Variants in NRG3 observed in about 807,000 individuals in gnomAD.
The protein encoded by NRG3 is pro-neuregulin-3, membrane-bound isoform.
NRG3 carries 31 observed loss-of-function variants against 66.9 expected under a neutral mutation model. The observed-to-expected ratio is 0.46, with a 90% CI of 0.35 to 0.63. NRG3 has a LOEUF of 0.63. NRG3 is among the 20% of genes least tolerant of loss of function. NRG3 has a pLI of 0.00. For synonymous variants in NRG3, 393 were observed against 359.4 expected (o/e 1.09, Z -1.06); for missense variants, 910 against 878.9 (o/e 1.04, Z -0.45).
chr10:82,756,747 G>A (rs987181621), intron 3 of NRG3, among the ~76,000 whole-genome samples: 16 of 151,736 alleles, frequency 1.1e-4, no homozygotes, highest in African/African-American at 3.9e-4. Context: ...ACTGGACCTT[G>A]TTGGAGAGAA....
At chr10:82,222,992 A>G (rs2076012248) in intron 1 of NRG3, among the ~76,000 whole-genome samples, 4 of 152,206 alleles carry the variant, frequency 2.6e-5, no homozygotes, top group South Asian at 4.1e-4. Context: ...TTGAATTGTA[A>G]CAAAATTGAA....
At chr10:82,627,788 T>C (rs1271813031) in intron 2 of NRG3, among the ~76,000 whole-genome samples, 3 of 152,178 alleles carry the variant, frequency 2.0e-5, no homozygotes, top group Non-Finnish European at 1.5e-5. Context: ...ACTTCTAGGT[T>C]ATATAAAGGT....
Position 82,109,462 on chromosome 10 carries a change from T to A in NRG3, c.823+233299T>A, listed in dbSNP as rs116963759. Among the ~76,000 whole-genome samples, 61 of 152,202 alleles carry A rather than the reference T, an allele frequency of 4.0e-4. 1 individual carries two copies. The East Asian group carries it at 0.012, about 29-fold the overall frequency. ...AGATGAAAGCAGATTATTATTCCAA[T>A]TTTATAGTTAAAGATTCCAAGGTTT... On this transcript the variant is annotated intron_variant, in intron 1 of 8. Transcript: ENST00000372141.
intron 1 of NRG3, among the ~76,000 whole-genome samples, chr10:81,936,837 TA>T (rs1457111327): frequency 6.6e-6 from 1 of 152,044 alleles, no homozygotes; most frequent in Non-Finnish European, 1.5e-5. Context: ...AAATTGTGTT[TA>T]AAAAATTATT....
At chr10:82,540,079 T>G (rs1011671593) in intron 2 of NRG3, among the ~76,000 whole-genome samples, 12 of 152,224 alleles carry the variant, frequency 7.9e-5, no homozygotes, top group African/African-American at 2.9e-4. Context: ...CAAACACATT[T>G]TCCTTATTTT....
At chr10:82,733,002 A>G (rs2057990636) in intron 2 of NRG3, among the ~76,000 whole-genome samples, 1 of 152,216 alleles carries the variant, frequency 6.6e-6, no homozygotes, top group Admixed American at 6.5e-5. Flanking sequence ...CTGTAACACC[A>G]AAGAGTAAAG....
At chr10:81,955,000 A>C (rs1452373382) in intron 1 of NRG3, among the ~76,000 whole-genome samples, 1 of 151,960 alleles carries the variant, frequency 6.6e-6, no homozygotes, top group African/African-American at 2.4e-5. Flanking sequence ...AATATAACTA[A>C]AGTCTGTATT....
At chr10:82,704,483 CTCTA>C (rs571705911) in intron 2 of NRG3, among the ~76,000 whole-genome samples, 36 of 152,254 alleles carry the variant, frequency 2.4e-4, no homozygotes, top group African/African-American at 8.7e-4. Context: ...TCAAGAAACA[CTCTA>C]TCTAATTCTT....
chr10:82,200,417 T>C (rs2074734126), intron 1 of NRG3, among the ~76,000 whole-genome samples: 1 of 152,180 alleles, frequency 6.6e-6, no homozygotes, highest in East Asian at 1.9e-4. Context: ...ACTATATGTT[T>C]TCATGCATAT....
intron 1 of NRG3, among the ~76,000 whole-genome samples, chr10:82,128,897 T>G (rs963671476): frequency 6.6e-6 from 1 of 152,038 alleles, no homozygotes; most frequent in African/African-American, 2.4e-5. Flanking sequence ...GCTGTCATCT[T>G]AATTTGCTTG....
chr10:82,865,262 T>C, intron 3 of NRG3, 149 bp from the exon 4 acceptor site: 1 of 670,284 alleles, frequency 1.5e-6, no homozygotes, highest in Non-Finnish European at 2.5e-6. Flanking sequence ...CTGTAATGTA[T>C]CTTTTCTAAG....
At chr10:82,380,116 TA>T (rs1260564200) in intron 2 of NRG3, among the ~76,000 whole-genome samples, 5 of 151,854 alleles carry the variant, frequency 3.3e-5, no homozygotes, top group Admixed American at 2.0e-4. Context: ...TTTTTATGTC[TA>T]AAAAAAAGAC....
At chr10:82,347,589 G>C (rs2083114804) in intron 1 of NRG3, among the ~76,000 whole-genome samples, 2 of 151,798 alleles carry the variant, frequency 1.3e-5, no homozygotes, top group South Asian at 4.2e-4. Flanking sequence ...AGGTCTGCTT[G>C]GTGCAGAGCT....
At chr10:82,289,843 T>C (rs567062428) in intron 1 of NRG3, among the ~76,000 whole-genome samples, 10 of 152,334 alleles carry the variant, frequency 6.6e-5, no homozygotes, top group Non-Finnish European at 1.3e-4. Context: ...GAAGAAATAA[T>C]GGCTTTAATA....
intron 1 of NRG3, among the ~76,000 whole-genome samples, chr10:81,941,067 T>A (rs1416424473): frequency 6.6e-6 from 1 of 152,160 alleles, no homozygotes; most frequent in East Asian, 1.9e-4. Context: ...AAAATGATAC[T>A]GCAGGGAATT....
chr10:82,616,070 T>C lies in NRG3; in HGVS notation c.954-122507T>C, dbSNP rs1219802286. Among the ~76,000 whole-genome samples, 2 of 152,176 alleles carry C rather than the reference T, an allele frequency of 1.3e-5. 1 individual carries two copies. Among genetic ancestry groups the C allele is most frequent in the South Asian group, 4.1e-4 (2 of 4,832 alleles). On this transcript the variant is annotated intron_variant, in intron 2 of 8. Coordinates refer to ENST00000372141, the MANE Select transcript of NRG3 (RefSeq NM_001010848.4). Reference sequence around the variant, plus strand: ...ACACACATTCATCCACAGGGATGACTGCCATGTGCAAACATACACTGAAAA... The same window carrying C: ...ACACACATTCATCCACAGGGATGACCGCCATGTGCAAACATACACTGAAAA...
chr10:82,269,412 T>C (rs755417149), intron 1 of NRG3, among the ~76,000 whole-genome samples: 2 of 152,100 alleles, frequency 1.3e-5, no homozygotes, highest in Non-Finnish European at 1.5e-5. Flanking sequence ...GTTTCTCTTC[T>C]TCTAAGATTT....
chr10:82,596,340 T>G (rs2047276888), intron 2 of NRG3, among the ~76,000 whole-genome samples: 2 of 152,208 alleles, frequency 1.3e-5, no homozygotes. Flanking sequence ...GACTTGTGAT[T>G]GGCAATTCGT....
chr10:82,183,945 G>A (rs973113692), intron 1 of NRG3, among the ~76,000 whole-genome samples: 1 of 152,108 alleles, frequency 6.6e-6, no homozygotes, highest in Non-Finnish European at 1.5e-5. Context: ...CCAAGGAGTT[G>A]CCCTTGTCTA....
Sources: allele counts gnomAD v4.1 joint callset (sites outside exome capture counted in the v4.1 genomes callset), GRCh38; gene constraint gnomAD v4.1.1; transcripts MANE v1.5; gene names NCBI Gene and HGNC (gene_info 2026-07-23, HGNC 2026-07-21).